The following ZDHHC13 variants were observed in gnomAD, a reference collection of about 807,000 sequenced individuals.
ZDHHC13 encodes zDHHC palmitoyltransferase 13.
In ZDHHC13, 85 loss-of-function variants were observed where a neutral mutation model predicts 86.0. The ratio of observed to expected loss-of-function variants is 0.99; its 90% CI spans 0.83 to 1.18. ZDHHC13 has a LOEUF of 1.18. Among genes scored for constraint, ZDHHC13 ranks in the 50% most tolerant of loss-of-function variants. The probability of loss-of-function intolerance (pLI) is 0.00; values close to 1 mark genes in which losing one functional copy is unlikely to be tolerated. For missense variants in ZDHHC13, 711 were observed against 730.2 expected (o/e 0.97, Z 0.30); for synonymous variants, 263 against 246.4 (o/e 1.07, Z -0.63).
At chr11:19,139,933 T>G (rs1344199934) in intron 1 of ZDHHC13, among the ~76,000 whole-genome samples, 6 of 144,096 alleles carry the variant, frequency 4.2e-5, no homozygotes, top group Non-Finnish European at 7.6e-5. Context: ...ATTAAAGACT[T>G]AAACGTTAGA....
chr11:19,168,756 A>G, intron 14 of ZDHHC13: 2 of 969,260 alleles, frequency 2.1e-6, no homozygotes, highest in Non-Finnish European at 2.5e-6. Context: ...CCTGCTCTAT[A>G]CTCTCCTTCT....
chr11:19,160,338 G>A (rs1174962847), intron 10 of ZDHHC13, among the ~76,000 whole-genome samples: 1 of 151,812 alleles, frequency 6.6e-6, no homozygotes, highest in Non-Finnish European at 1.5e-5. Flanking sequence ...AGTTTTTTAA[G>A]CACTAGCCTT....
chr11:19,163,818 A>C (rs1849979543), intron 11 of ZDHHC13, among the ~76,000 whole-genome samples: 1 of 152,124 alleles, frequency 6.6e-6, no homozygotes, highest in African/African-American at 2.4e-5. Context: ...CCTCCTCCTC[A>C]AATGTGAAGT....
At chr11:19,137,112 A>G (rs988677799) in intron 1 of ZDHHC13, among the ~76,000 whole-genome samples, 3 of 152,216 alleles carry the variant, frequency 2.0e-5, no homozygotes, top group Non-Finnish European at 4.4e-5. Context: ...ATTAAAAGGC[A>G]CAGACTGGCA....
intron 8 of ZDHHC13, among the ~76,000 whole-genome samples, chr11:19,155,127 G>A (rs993098156): frequency 6.6e-6 from 1 of 152,118 alleles, no homozygotes; most frequent in Non-Finnish European, 1.5e-5. Context: ...CCCTCATTGA[G>A]TCTTTTGTAT....
intron 1 of ZDHHC13, among the ~76,000 whole-genome samples, chr11:19,128,559 T>C (rs971157436): frequency 9.9e-5 from 15 of 152,152 alleles, no homozygotes; most frequent in Admixed American, 9.2e-4. Flanking sequence ...TTCTAAAAAA[T>C]ATTTAAAAAC....
chr11:19,128,245 C>T (rs1470396288), intron 1 of ZDHHC13, among the ~76,000 whole-genome samples: 1 of 151,996 alleles, frequency 6.6e-6, no homozygotes, highest in Admixed American at 6.5e-5. Context: ...TGATTTGGCT[C>T]TTGGCTTGAT....
At chr11:19,142,904 A>G in intron 1 of ZDHHC13, 74 bp from the exon 2 acceptor site, 1 of 1,425,600 alleles carries the variant, frequency 7.0e-7, no homozygotes, top group South Asian at 1.5e-5. Flanking sequence ...TGTTGATAGT[A>G]GCAAATGCTT....
At chr11:19,132,078 GTTCTT>G (rs1226422727) in intron 1 of ZDHHC13, among the ~76,000 whole-genome samples, 5 of 152,024 alleles carry the variant, frequency 3.3e-5, no homozygotes, top group Admixed American at 6.6e-5. Context: ...TCAAGATCTG[GTTCTT>G]TTCTTCTGGC....
intron 1 of ZDHHC13, among the ~76,000 whole-genome samples, chr11:19,123,777 TAAC>T (rs142955690): frequency 2.4e-4 from 36 of 151,912 alleles, no homozygotes; most frequent in Non-Finnish European, 4.0e-4. Flanking sequence ...CCAGTATACC[TAAC>T]AACAACAACA....
intron 4 of ZDHHC13, chr11:19,148,584 A>G (rs1448502538): frequency 6.6e-6 from 1 of 152,136 alleles, no homozygotes; most frequent in African/African-American, 2.4e-5. Flanking sequence ...TTACCATGTC[A>G]TAAAGAATTA....
intron 6 of ZDHHC13, 108 bp from the exon 7 acceptor site, chr11:19,152,050 A>C (rs2133428529): frequency 3.3e-6 from 4 of 1,214,432 alleles, no homozygotes; most frequent in East Asian, 2.4e-5. Flanking sequence ...TGAATACTTA[A>C]CTGAATGGTT....
In ZDHHC13 at chr11:19,143,183, G is replaced by A. The variant is rs1590072470; in HGVS notation, c.173+60G>A. On this transcript the variant is annotated intron_variant, in intron 2 of 16. Coordinates refer to ENST00000446113, the MANE Select transcript of ZDHHC13 (RefSeq NM_019028.3). The stretch of plus-strand genomic sequence containing the variant: ...TTCTCTAGAATTAATAGTAATATAT[G>A]TGTAGTTCATGGAGCTTCATATGTT... 7 of 1,523,422 alleles carry A rather than the reference G, an allele frequency of 4.6e-6. No homozygotes were observed. In the East Asian group the frequency reaches 1.1e-4, roughly 25 times the overall value. 94.4% of individuals were successfully genotyped at this position (1,523,422 alleles called of 1,614,324 possible).
At chr11:19,133,849 T>C (rs1451428592) in intron 1 of ZDHHC13, among the ~76,000 whole-genome samples, 1 of 150,264 alleles carries the variant, frequency 6.7e-6, no homozygotes, top group Non-Finnish European at 1.5e-5. Flanking sequence ...CTCAGTTCTA[T>C]ATCTTGACTT....
At chr11:19,154,273 C>T (rs1849697738) in intron 8 of ZDHHC13, among the ~76,000 whole-genome samples, 1 of 152,010 alleles carries the variant, frequency 6.6e-6, no homozygotes, top group African/African-American at 2.4e-5. Flanking sequence ...ATGAATAGGG[C>T]AGCTTGTCTG....
intron 1 of ZDHHC13, among the ~76,000 whole-genome samples, chr11:19,131,264 C>T (rs961319302): frequency 2.6e-5 from 4 of 152,112 alleles, no homozygotes; most frequent in African/African-American, 7.2e-5. Flanking sequence ...GTGAACTGCC[C>T]GCCTTGGCCT....
intron 1 of ZDHHC13, among the ~76,000 whole-genome samples, chr11:19,142,420 C>T (rs1306890806): frequency 6.6e-6 from 1 of 152,136 alleles, no homozygotes; most frequent in Non-Finnish European, 1.5e-5. Flanking sequence ...TGCCATATTC[C>T]ATTGCCTAGA....
intron 2 of ZDHHC13, 43 bp from the exon 3 acceptor site, chr11:19,146,138 G>A (rs768479298): frequency 4.6e-6 from 7 of 1,515,858 alleles, no homozygotes; most frequent in Non-Finnish European, 5.3e-6. Context: ...TATTTGAAAT[G>A]ATTTTAATTG....
At chr11:19,150,905 A>G in intron 6 of ZDHHC13, 114 bp downstream of exon 6, 1 of 902,902 alleles carries the variant, frequency 1.1e-6, no homozygotes, top group Non-Finnish European at 1.7e-6. Flanking sequence ...GAAGAAAATA[A>G]GATTTTTCAC....
Sources: allele counts gnomAD v4.1 joint callset (sites outside exome capture counted in the v4.1 genomes callset), GRCh38; gene constraint gnomAD v4.1.1; transcripts MANE v1.5; gene names NCBI Gene and HGNC (gene_info 2026-07-23, HGNC 2026-07-21).